The following CLYBL variants were observed in gnomAD, a reference collection of about 807,000 sequenced individuals.
The protein encoded by CLYBL is citramalyl-CoA lyase, mitochondrial.
Under a neutral mutation model 38.9 loss-of-function variants are expected in CLYBL, and 31 were observed. The observed-to-expected ratio is 0.80, with a 90% CI of 0.60 to 1.08. CLYBL has a LOEUF of 1.08. Among genes scored for constraint, CLYBL ranks in the 50% least tolerant of loss-of-function variants. CLYBL has a pLI of 0.00. For missense variants in CLYBL, 434 were observed against 411.6 expected (o/e 1.05, Z -0.47); for synonymous variants, 171 against 158.6 (o/e 1.08, Z -0.59).
chr13:99,827,758 C>A (rs1383896671), intron 2 of CLYBL, among the ~76,000 whole-genome samples: 1 of 152,250 alleles, frequency 6.6e-6, no homozygotes, highest in East Asian at 1.9e-4. Context: ...AAGGCTCAGA[C>A]TCTCGCTTTG....
chr13:99,785,421 C>G (rs1320696705), intron 2 of CLYBL, among the ~76,000 whole-genome samples: 1 of 151,116 alleles, frequency 6.6e-6, no homozygotes, highest in Admixed American at 6.6e-5. Context: ...TCTATGTTGC[C>G]CAGGCTTGGT....
At chr13:99,685,341 T>A (rs2047801148) in intron 1 of CLYBL, among the ~76,000 whole-genome samples, 1 of 152,088 alleles carries the variant, frequency 6.6e-6, no homozygotes, top group African/African-American at 2.4e-5. Context: ...AAAAATACAG[T>A]AGAACTAATA....
chr13:99,754,439 A>AAAAAAAAAAAAG (rs2049018350), intron 1 of CLYBL, among the ~76,000 whole-genome samples: 1 of 149,184 alleles, frequency 6.7e-6, no homozygotes, highest in African/African-American at 2.5e-5. Flanking sequence ...AAAAAAAAAA[A>AAAAAAAAAAAAG]GAGGAGAGAT....
chr13:99,683,725 AT>A (rs910495932), intron 1 of CLYBL, among the ~76,000 whole-genome samples: 2 of 139,112 alleles, frequency 1.4e-5, no homozygotes, highest in Non-Finnish European at 3.0e-5. Flanking sequence ...ACATGAGTCT[AT>A]TTTACAGTTA....
At chr13:99,903,697 T>A (rs1264580146) in intron 8 of CLYBL, among the ~76,000 whole-genome samples, 2 of 152,148 alleles carry the variant, frequency 1.3e-5, no homozygotes, top group Non-Finnish European at 2.9e-5. Context: ...AAATACTCCG[T>A]GAGGTTCGCG....
At chr13:99,904,603 TATAA>T (rs2052675818) in intron 8 of CLYBL, among the ~76,000 whole-genome samples, 1 of 152,254 alleles carries the variant, frequency 6.6e-6, no homozygotes, top group Admixed American at 6.5e-5. Flanking sequence ...ATGGCTGTCC[TATAA>T]ATGTCACCTA....
intron 1 of CLYBL, among the ~76,000 whole-genome samples, chr13:99,757,421 A>G (rs2049083871): frequency 1.3e-5 from 2 of 152,164 alleles, no homozygotes; most frequent in Non-Finnish European, 2.9e-5. Context: ...TCAGCTGCGC[A>G]TTAGAATCAC....
Position 99,841,811 on chromosome 13 carries a change from CCTT to C in CLYBL, c.250-17049_250-17047del, listed in dbSNP as rs2051088638. On this transcript the variant is annotated intron_variant, in intron 2 of 8. Transcript: ENST00000339105. ...TCTTTCTTTTCTTTTCTTTTCTTTT[CCTT>C]TTTTTTTTTTTTTTTTTCTGAGACA... Among the ~76,000 whole-genome samples, 20 of 124,762 alleles carry C rather than the reference CCTT, an allele frequency of 1.6e-4. No individual in the cohort carries two copies. The East Asian group carries it at 2.0e-3, about 13-fold the overall frequency. 81.8% of individuals were successfully genotyped at this position (124,762 alleles called of 152,430 possible). A position where few individuals can be genotyped will look rare whatever the true frequency, so the allele number is the denominator to read the frequency against.
chr13:99,606,878 A>G, intron 1 of CLYBL, 121 bp downstream of exon 1: 1 of 1,270,644 alleles, frequency 7.9e-7, no homozygotes. Context: ...GCCGGACGGA[A>G]GCACCATGCG....
chr13:99,763,801 C>T (rs1435474405), intron 1 of CLYBL, among the ~76,000 whole-genome samples: 1 of 152,106 alleles, frequency 6.6e-6, no homozygotes, highest in Non-Finnish European at 1.5e-5. Context: ...GATCTGCCCG[C>T]CTTAGCCTCC....
At chr13:99,725,811 C>T (rs1479938108) in intron 1 of CLYBL, among the ~76,000 whole-genome samples, 1 of 152,166 alleles carries the variant, frequency 6.6e-6, no homozygotes, top group Non-Finnish European at 1.5e-5. Context: ...TTGCGTAAAT[C>T]CCCTTTCCTT....
chr13:99,725,227 A>C (rs1014432710), intron 1 of CLYBL, among the ~76,000 whole-genome samples: 3 of 152,222 alleles, frequency 2.0e-5, no homozygotes, highest in Admixed American at 6.5e-5. Flanking sequence ...CAGAAAACAA[A>C]TCTTGATGTA....
At chr13:99,879,892 G>T (rs2052150629) in intron 7 of CLYBL, among the ~76,000 whole-genome samples, 2 of 151,988 alleles carry the variant, frequency 1.3e-5, no homozygotes, top group Admixed American at 1.3e-4. Flanking sequence ...GTGTGCCGTG[G>T]TCATGGGGCT....
intron 1 of CLYBL, among the ~76,000 whole-genome samples, chr13:99,735,605 G>A (rs1023626008): frequency 2.0e-5 from 3 of 152,076 alleles, no homozygotes; most frequent in Non-Finnish European, 2.9e-5. Context: ...TTGTACAGTT[G>A]TGAAATGTGG....
downstream of CLYBL, chr13:99,896,760 T>G (rs141639322): frequency 6.6e-6 from 1 of 152,384 alleles, no homozygotes; most frequent in African/African-American, 2.4e-5. Flanking sequence ...AAATCAACTT[T>G]GCCGATTTCC....
At chr13:99,774,665 G>GAA (rs2049473687) in intron 2 of CLYBL, among the ~76,000 whole-genome samples, 3 of 152,130 alleles carry the variant, frequency 2.0e-5, no homozygotes, top group Admixed American at 6.6e-5. Context: ...TAATTTTAAA[G>GAA]AAAAAATTTA....
At chr13:99,642,762 G>T (rs1011083838) in intron 1 of CLYBL, among the ~76,000 whole-genome samples, 3 of 139,240 alleles carry the variant, frequency 2.2e-5, no homozygotes, top group Non-Finnish European at 4.7e-5. Context: ...CCCTTCCTCC[G>T]TTGCTCTTTT....
At chr13:99,889,333 C>A (rs909543177) in intron 7 of CLYBL, among the ~76,000 whole-genome samples, 1 of 152,172 alleles carries the variant, frequency 6.6e-6, no homozygotes, top group African/African-American at 2.4e-5. Flanking sequence ...GGCCTTTGGT[C>A]TTCATCATTT....
intron 2 of CLYBL, among the ~76,000 whole-genome samples, chr13:99,848,180 C>T (rs1295241011): frequency 6.6e-6 from 1 of 152,176 alleles, no homozygotes; most frequent in Non-Finnish European, 1.5e-5. Flanking sequence ...CTCCTCCAAC[C>T]CCCTTCTCAG....
Sources: allele counts gnomAD v4.1 joint callset (sites outside exome capture counted in the v4.1 genomes callset), GRCh38; gene constraint gnomAD v4.1.1; transcripts MANE v1.5; gene names NCBI Gene and HGNC (gene_info 2026-07-23, HGNC 2026-07-21).